Variants in IRAG1 observed in about 807,000 individuals in gnomAD.
The protein encoded by IRAG1 is IP3R-associated cGMP kinase substrate.
IRAG1 carries 62 observed loss-of-function variants against 106.2 expected under a neutral mutation model. The observed-to-expected ratio is 0.58, with a 90% CI of 0.48 to 0.72. The LOEUF (loss-of-function observed/expected upper bound fraction) is 0.72. Among genes scored for constraint, IRAG1 ranks in the 30% least tolerant of loss-of-function variants. The pLI is 0.00. For synonymous variants in IRAG1, 462 were observed against 443.9 expected, an observed-to-expected ratio of 1.04 and a Z score of -0.51; for missense variants, 1,064 against 1,140.7, an observed-to-expected ratio of 0.93 and a Z score of 0.97.
chr11:10,578,765 A>G (rs1851086686), intron 20 of IRAG1, among the ~76,000 whole-genome samples: 1 of 152,230 alleles, frequency 6.6e-6, no homozygotes, highest in African/African-American at 2.4e-5. Flanking sequence ...GAGGGAGCTG[A>G]CAATTGCCTG....
rs989447137 is a variant in IRAG1, at chr11:10,611,329, G to T, written c.1448-1478C>A. On this transcript the variant is annotated intron_variant, in intron 10 of 20. Transcript: ENST00000423302. ...TGACAAGGTTTCTGTGGTAAACCTT[G>T]TGTCACCCCTGGCATCATTCTACCT... is the stretch of plus-strand genomic sequence containing the variant. 2.0e-5 allele frequency among the ~76,000 whole-genome samples: 3 copies of T among 152,282 alleles called. No individual in the cohort carries two copies. In the South Asian group the frequency reaches 6.2e-4, roughly 32 times the overall value.
At chr11:10,588,446 G>T (rs1190578582) in intron 18 of IRAG1, among the ~76,000 whole-genome samples, 1 of 152,110 alleles carries the variant, frequency 6.6e-6, no homozygotes, top group Non-Finnish European at 1.5e-5. Context: ...CCCGGCTGGG[G>T]TCAAGCCATC....
intron 14 of IRAG1, 96 bp downstream of exon 14, chr11:10,603,024 C>T: frequency 7.0e-7 from 1 of 1,432,876 alleles, no homozygotes; most frequent in African/African-American, 1.4e-5. Flanking sequence ...AGGAAGCCAC[C>T]TCTAAGTGGT....
At position 10,657,048 on chromosome 11, in the gene IRAG1, G is replaced by A. The variant is rs1858980223; in HGVS notation, c.68-4866C>T. Among the ~76,000 whole-genome samples the A allele has an allele frequency of 6.6e-6, 1 of 152,242 alleles. No homozygotes were observed. On this transcript the variant is annotated intron_variant, in intron 1 of 20. Coordinates refer to ENST00000423302, the MANE Select transcript of IRAG1 (RefSeq NM_130385.4). This position sits in a 1 kb window ranked among gnomAD's most constrained non-coding sequence, Gnocchi z 4.1. Reference sequence around the variant, plus strand: ...CCTCTGGTAGGTGGTAGCAGCAGGTGGAGGACGCGGAGGCCGGCCCTGCCT... The same window carrying A: ...CCTCTGGTAGGTGGTAGCAGCAGGTAGAGGACGCGGAGGCCGGCCCTGCCT...
chr11:10,596,127 T>G (rs1853277589), intron 15 of IRAG1, among the ~76,000 whole-genome samples: 1 of 152,238 alleles, frequency 6.6e-6, no homozygotes, highest in South Asian at 2.1e-4. Flanking sequence ...ATTCCATGTC[T>G]TTGCTATTGT....
At position 10,637,033 on chromosome 11, in the gene IRAG1, T is replaced by G. The variant is rs537769319; in HGVS notation, c.226-2962A>C. ...CGAAGCTACTCTAATGAGTTTGGTC[T>G]TTATGGTTTTGGAGATGGGAAGCCC... On this transcript the variant is annotated intron_variant, in intron 2 of 20. Transcript: ENST00000423302. 2.6e-5 allele frequency among the ~76,000 whole-genome samples: 4 copies of G among 152,322 alleles called. No individual in the cohort carries two copies. The East Asian group carries it at 7.7e-4, about 29-fold the overall frequency.
At chr11:10,599,268 A>T (rs1032576338) in intron 15 of IRAG1, among the ~76,000 whole-genome samples, 3 of 152,120 alleles carry the variant, frequency 2.0e-5, no homozygotes, top group Non-Finnish European at 1.5e-5. Flanking sequence ...TTACCTCTAT[A>T]TTCCAGTATT....
At chr11:10,607,336 GGA>G (rs1854560265) in intron 11 of IRAG1, among the ~76,000 whole-genome samples, 2 of 152,298 alleles carry the variant, frequency 1.3e-5, no homozygotes, top group Non-Finnish European at 2.9e-5. Context: ...ATAAATGGTA[GGA>G]GAGAGTGACC....
chr11:10,646,701 G>C (rs1268713815), intron 2 of IRAG1, among the ~76,000 whole-genome samples: 1 of 152,154 alleles, frequency 6.6e-6, no homozygotes, highest in Non-Finnish European at 1.5e-5. Context: ...AGTCACAAGA[G>C]CTACTGCGTA....
chr11:10,630,842 A>ATTC (rs1856639175), intron 4 of IRAG1, among the ~76,000 whole-genome samples: 1 of 152,138 alleles, frequency 6.6e-6, no homozygotes, highest in Admixed American at 6.6e-5. Flanking sequence ...AACCTCTCTG[A>ATTC]TTCCCCATTA....
chr11:10,638,760 C>G (rs1857314007), intron 2 of IRAG1, among the ~76,000 whole-genome samples: 1 of 152,060 alleles, frequency 6.6e-6, no homozygotes, highest in Non-Finnish European at 1.5e-5. Context: ...TGAGGATAAG[C>G]TGTGTCTATT....
intron 17 of IRAG1, among the ~76,000 whole-genome samples, chr11:10,592,680 G>A (rs760673628): frequency 6.6e-6 from 1 of 152,084 alleles, no homozygotes; most frequent in Non-Finnish European, 1.5e-5. Context: ...ATATCCAAAC[G>A]TCTTTGTCTA....
At chr11:10,590,156 CAGA>C (rs1265269486) in intron 18 of IRAG1, among the ~76,000 whole-genome samples, 1 of 152,104 alleles carries the variant, frequency 6.6e-6, no homozygotes, top group African/African-American at 2.4e-5. Context: ...TGGAGAGATT[CAGA>C]GACCCTGGAT....
rs779336625 is a variant in IRAG1 at position 10,628,058 on chromosome 11, C to T, written c.653-33G>A. 1.9e-6 allele frequency: 3 copies of T among 1,611,854 alleles called. No homozygotes were observed. The highest frequency in any genetic ancestry group is 2.5e-6 in the Non-Finnish European group (3 of 1,178,648). ...GGTCCAGACACTAGTGAGTGAGGCC[C>T]AGCAGCCCAGGCCCTCAGCTGTGCT... On this transcript the variant is annotated intron_variant, in intron 6 of 20. Coordinates refer to ENST00000423302, the MANE Select transcript of IRAG1 (RefSeq NM_130385.4). This position sits in a 1 kb window ranked among gnomAD's most constrained non-coding sequence, Gnocchi z 4.1.
chr11:10,687,803 A>T, intron 1 of IRAG1: 1 of 1,289,174 alleles, frequency 7.8e-7, no homozygotes, highest in Non-Finnish European at 1.0e-6. Context: ...CAGGGGCTAG[A>T]AATAATAAGA....
chr11:10,633,487 C>T (rs574488938), intron 3 of IRAG1, among the ~76,000 whole-genome samples: 13 of 152,298 alleles, frequency 8.5e-5, no homozygotes, highest in African/African-American at 3.1e-4. Context: ...CCTGTGAGCC[C>T]ATGTCCCTGC....
At chr11:10,595,820 G>A (rs1207885867) in intron 15 of IRAG1, 1 of 151,992 alleles carries the variant, frequency 6.6e-6, no homozygotes, top group Non-Finnish European at 1.5e-5. Flanking sequence ...AGACAGCATT[G>A]ATTTTTTCTG....
chr11:10,616,404 G>A (rs1855434332), intron 10 of IRAG1, among the ~76,000 whole-genome samples: 1 of 151,998 alleles, frequency 6.6e-6, no homozygotes, highest in African/African-American at 2.4e-5. Context: ...CTCTGCTACT[G>A]GGGGACAGAG....
chr11:10,631,725 C>A (rs117369058), intron 4 of IRAG1, among the ~76,000 whole-genome samples: 1 of 152,334 alleles, frequency 6.6e-6, no homozygotes, highest in African/African-American at 2.4e-5. Flanking sequence ...CCCCTAAACC[C>A]CAGAAATGAG....
Sources: gnomAD v4.1 joint callset for allele counts (sites outside exome capture counted in the v4.1 genomes callset) on GRCh38, gnomAD v4.1.1 for gene constraint, Gnocchi (gnomAD v3.1) non-coding constraint, MANE v1.5 for transcripts, NCBI Gene and HGNC (gene_info 2026-07-23, HGNC 2026-07-21) for gene names.